Variants in CPNE6 observed in about 807,000 individuals in gnomAD.
CPNE6 encodes copine 6, also known as copine-6.
Under a neutral mutation model 71.5 loss-of-function variants are expected in CPNE6, and 33 were observed. That is an observed-to-expected ratio of 0.46 (90% CI 0.35 to 0.62). CPNE6 has a LOEUF of 0.62. Among genes scored for constraint, CPNE6 ranks in the 20% least tolerant of loss-of-function variants. The probability of loss-of-function intolerance (pLI) is 0.00; values close to 1 mark genes in which losing one functional copy is unlikely to be tolerated. For synonymous variants in CPNE6, 296 were observed against 293.0 expected (o/e 1.01, Z -0.10); for missense variants, 576 against 747.3 (o/e 0.77, Z 2.67).
In CPNE6 at chr14:24,074,848, C is replaced by A; in HGVS notation, c.672+53C>A. 6.8e-7 allele frequency: 1 copy of A among 1,472,748 alleles called. No individual in the cohort carries two copies. 91.2% of individuals were successfully genotyped at this position (1,472,748 alleles called of 1,614,324 possible). ...CTACTTAGAGCAACCAATCTGCTAT[C>A]TAAGACCTTTCCCCTGCATGTGGCA... On this transcript the variant is annotated intron_variant, in intron 8 of 17. Transcript: ENST00000397016. This position sits in a 1 kb window ranked among gnomAD's most constrained non-coding sequence, Gnocchi z 4.5.
In CPNE6 at chr14:24,073,587, C is replaced by G. The variant is rs775295810; in HGVS notation, c.257C>G (p.Pro86Arg). The G allele has an allele frequency of 7.4e-6, 12 of 1,613,986 alleles. No individual in the cohort carries two copies. The highest frequency in any genetic ancestry group is 1.7e-5 in the Admixed American group (1 of 60,022). ...GAGTATTTTTTTGAGGAGAAGCAGC[C>G]CCTGCAGTTCCACGTGTTCGATGCC... The change falls in exon 4 of 18, where the codon CCC (proline) becomes CGC (arginine). Residue 86 changes from proline to arginine, a missense_variant. By Grantham distance (103) the Pro-to-Arg change is moderately radical. Around this residue, in one of 4 missense-constraint regions of CPNE6, gnomAD observed 214 missense variants for 291.2 expected, o/e 0.73. Coordinates refer to ENST00000397016, the Ensembl canonical transcript of CPNE6. The surrounding 1 kb of genome is among the most constrained non-coding windows in gnomAD (Gnocchi z 5.5).
At chr14:24,072,835 GA>G in intron 2 of CPNE6, 97 bp from the exon 2 acceptor site, 1 of 1,134,212 alleles carries the variant, frequency 8.8e-7, no homozygotes, top group African/African-American at 1.6e-5. Flanking sequence ...TCTAGGGAAG[GA>G]GGTTAAGGGG....
Position 24,072,011 on chromosome 14 carries a change from ACACT to A in CPNE6, c.-5+376_-5+379del, listed in dbSNP as rs1279612427. The A allele has an allele frequency of 6.2e-5, 14 of 226,358 alleles. No individual in the cohort carries two copies. In the Admixed American group the frequency reaches 7.3e-4, roughly 12 times the overall value. 14.0% of individuals were successfully genotyped at this position (226,358 alleles called of 1,614,324 possible). ...GTGGGGCACTCAGACACACCAATGC[ACACT>A]CACTCGGGGAAGCATGACATGGGAT... is the stretch of plus-strand genomic sequence containing the variant. On this transcript the variant is annotated intron_variant, in intron 2 of 17. Coordinates refer to ENST00000397016, the Ensembl canonical transcript of CPNE6.
At chr14:24,071,501 G>GCCC in intron 1 of CPNE6, 61 bp from the exon 1 acceptor site, 52 of 1,416,638 alleles carry the variant, frequency 3.7e-5, no homozygotes, top group East Asian at 1.3e-4. Flanking sequence ...CTGGTGCTGC[G>GCCC]CCCCCCCCCA....
In CPNE6 at chr14:24,075,906, G is replaced by T; in HGVS notation, c.924+20G>T. 1 of 1,613,576 alleles carries T rather than the reference G, an allele frequency of 6.2e-7. No homozygotes were observed. Among genetic ancestry groups the T allele is most frequent in the South Asian group, 1.1e-5 (1 of 91,072 alleles). Reference sequence around the variant, plus strand: ...TTCACGGTAAAGACTCAGAGGGAGGGCACACAGGCAAGAGGGAGGGGCTGA... The same window carrying T: ...TTCACGGTAAAGACTCAGAGGGAGGTCACACAGGCAAGAGGGAGGGGCTGA... On this transcript the variant is annotated intron_variant, in intron 11 of 17. Coordinates refer to ENST00000397016, the Ensembl canonical transcript of CPNE6. The surrounding 1 kb of genome is among the most constrained non-coding windows in gnomAD (Gnocchi z 4.3).
Position 24,075,427 on chromosome 14 carries a change from C to G in CPNE6, c.778-78C>G. ...AGGACGGAACCATGGGGGTCTTGCT[C>G]TGGGAGGCTCTGCTGGAAGGGAGAA... On this transcript the variant is annotated intron_variant, in intron 9 of 17. Transcript: ENST00000397016. This position sits in a 1 kb window ranked among gnomAD's most constrained non-coding sequence, Gnocchi z 4.3. The G allele has an allele frequency of 1.4e-6, 2 of 1,472,206 alleles. No individual in the cohort carries two copies. Among genetic ancestry groups the G allele is most frequent in the Non-Finnish European group, 1.9e-6 (2 of 1,060,864 alleles). 91.2% of individuals were successfully genotyped at this position (1,472,206 alleles called of 1,614,324 possible).
chr14:24,075,975 C>T lies in CPNE6; in HGVS notation c.924+89C>T. On this transcript the variant is annotated intron_variant, in intron 11 of 17. Coordinates refer to ENST00000397016, the Ensembl canonical transcript of CPNE6. This position sits in a 1 kb window ranked among gnomAD's most constrained non-coding sequence, Gnocchi z 4.3. ...GAGCCCAGAATCTCCACTGCCCCAA[C>T]TTGGGCTGCTCATGAGCCTTCGCAT... is the stretch of plus-strand genomic sequence containing the variant. The T allele has an allele frequency of 6.5e-7, 1 of 1,543,370 alleles. No homozygotes were observed. The highest frequency in any genetic ancestry group is 1.7e-5 in the Admixed American group (1 of 58,902).
At position 24,074,316 on chromosome 14, in the gene CPNE6, C is replaced by T. The variant is rs753504440; in HGVS notation, c.449C>T (p.Thr150Ile). The T allele has an allele frequency of 6.4e-7, 1 of 1,572,994 alleles. No individual in the cohort carries two copies. ...ATCGTGGCCGAGGAGGTATCAGGCA[C>T]AAACGACTATGTGCAACTCACCTTC... is the stretch of plus-strand genomic sequence containing the variant. The change falls in exon 6 of 18, where the codon ACA becomes ATA. Residue 150 changes from threonine (T) to isoleucine (I), a missense_variant. Around this residue, in one of 4 missense-constraint regions of CPNE6, gnomAD observed 214 missense variants for 291.2 expected, o/e 0.73. Transcript: ENST00000397016. This position sits in a 1 kb window ranked among gnomAD's most constrained non-coding sequence, Gnocchi z 4.5.
exon 18 of CPNE6, chr14:24,078,042 G>A (rs2036158095): frequency 3.5e-6 from 1 of 283,672 alleles, no homozygotes; most frequent in Non-Finnish European, 6.5e-6. Flanking sequence ...ACTTCCTTGG[G>A]TGATCCTGAC....
chr14:24,071,047 A>G (rs1048530393), intron 1 of CPNE6: 1 of 1,534,952 alleles, frequency 6.5e-7, no homozygotes, highest in Non-Finnish European at 8.7e-7. Flanking sequence ...GAGTGAGTAC[A>G]TGTGTGACAA....
At chr14:24,071,837 G>T in intron 2 of CPNE6, 196 bp downstream of exon 1, 1 of 550,270 alleles carries the variant, frequency 1.8e-6, no homozygotes, top group Non-Finnish European at 3.2e-6. Context: ...CCCTCCCCCA[G>T]CCCAGACCCT....
chr14:24,071,321 T>C (rs1375595539), intron 1 of CPNE6: 1 of 1,432,924 alleles, frequency 7.0e-7, no homozygotes, highest in African/African-American at 1.4e-5. Flanking sequence ...TCTCTGCGAT[T>C]CTGGGTGTGG....
At position 24,074,355 on chromosome 14, in the gene CPNE6, T is replaced by C; in HGVS notation, c.488T>C (p.Leu163Pro). The change falls in exon 6 of 18, where the codon CTG (leucine) becomes CCG (proline). Residue 163 changes from leucine (L) to proline (P), a missense_variant. By Grantham distance (98) the Leu-to-Pro change is moderately conservative (BLOSUM62 -3). This residue lies in a region of CPNE6 where 214 missense variants were observed against 291.2 expected (regional missense o/e 0.73). Transcript: ENST00000397016. This position sits in a 1 kb window ranked among gnomAD's most constrained non-coding sequence, Gnocchi z 4.5. ...CAACTCACCTTCAGAGCCTACAAGC[T>C]GGACAACAAGGTTGGAACCCCAGAG... 1 of 1,557,300 alleles carries C rather than the reference T, an allele frequency of 6.4e-7. No individual in the cohort carries two copies. Among genetic ancestry groups the C allele is most frequent in the Non-Finnish European group, 8.7e-7 (1 of 1,152,288 alleles).
rs768832140 is a variant in CPNE6 at position 24,076,347 on chromosome 14, T to C, written c.1059-13T>C. The C allele has an allele frequency of 4.3e-6, 7 of 1,614,234 alleles. No individual in the cohort carries two copies. The Admixed American group carries it at 1.0e-4, about 23-fold the overall frequency. Reference sequence around the variant, plus strand: ...CTTGCCCAACGGATTCCACAGCTTTTTCTTCTCCCCAGTGATAAGCGGTTC... The same window carrying C: ...CTTGCCCAACGGATTCCACAGCTTTCTCTTCTCCCCAGTGATAAGCGGTTC... On this transcript the variant is annotated splice_polypyrimidine_tract_variant and intron_variant, in intron 12 of 17. Transcript: ENST00000397016.
At position 24,074,468 on chromosome 14, in the gene CPNE6, C is replaced by A. The variant is rs1195146639; in HGVS notation, c.499-63C>A. The A allele has an allele frequency of 3.2e-6, 5 of 1,574,914 alleles. No individual in the cohort carries two copies. In the Admixed American group the frequency reaches 5.0e-5, roughly 16 times the overall value. On this transcript the variant is annotated intron_variant, in intron 6 of 17. Coordinates refer to ENST00000397016, the Ensembl canonical transcript of CPNE6. This position sits in a 1 kb window ranked among gnomAD's most constrained non-coding sequence, Gnocchi z 4.5. ...AGGCCTGCTCTCTTCCCAGTGGGAG[C>A]CCATCCCCCACCCTCCTTGCAGCTC... is the stretch of plus-strand genomic sequence containing the variant.
Position 24,077,035 on chromosome 14 carries a change from C to T in CPNE6, c.1299+23C>T. On this transcript the variant is annotated intron_variant, in intron 15 of 17. Coordinates refer to ENST00000397016, the Ensembl canonical transcript of CPNE6. The surrounding 1 kb of genome is among the most constrained non-coding windows in gnomAD (Gnocchi z 6.1). ...ACGGTAGGAAGACATGGCGGGCAAACAGGAGCTGTCCCATGTGTCTTTAAG... is the reference window on the plus strand; with the variant it reads ...ACGGTAGGAAGACATGGCGGGCAAATAGGAGCTGTCCCATGTGTCTTTAAG... 2 of 1,606,572 alleles carry T rather than the reference C, an allele frequency of 1.2e-6. No individual in the cohort carries two copies. The highest frequency in any genetic ancestry group is 8.5e-7 in the Non-Finnish European group (1 of 1,179,914).
intron 2 of CPNE6, 194 bp from the exon 2 acceptor site, chr14:24,072,739 A>C: frequency 2.3e-6 from 1 of 439,386 alleles, no homozygotes; most frequent in Non-Finnish European, 3.9e-6. Flanking sequence ...GCTTCTGAGC[A>C]GGAGTGGGAG....
At chr14:24,071,501 G>GCCCGCCC in intron 1 of CPNE6, 61 bp from the exon 1 acceptor site, 1 of 1,416,698 alleles carries the variant, frequency 7.1e-7, no homozygotes, top group Non-Finnish European at 9.3e-7. Flanking sequence ...CTGGTGCTGC[G>GCCCGCCC]CCCCCCCCCA....
exon 3 of CPNE6, chr14:24,072,981 G>C: frequency 6.3e-7 from 1 of 1,586,598 alleles, no homozygotes; most frequent in Non-Finnish European, 8.6e-7. Context: ...CCCCAACCAT[G>C]ACGCTGGGGG....
Sources: gnomAD v4.1 joint callset for allele counts on GRCh38, gnomAD v4.1.1 for gene constraint, gnomAD v4.1.1 regional missense constraint, Gnocchi (gnomAD v3.1) non-coding constraint, MANE v1.5 for transcripts, NCBI Gene and HGNC (gene_info 2026-07-23, HGNC 2026-07-21) for gene names.